KCNH1: variants seen among roughly 807,000 people sequenced by gnomAD.
KCNH1 encodes potassium voltage-gated channel subfamily H member 1.
In KCNH1, 27 loss-of-function variants were observed where a neutral mutation model predicts 69.2. The observed-to-expected ratio is 0.39, with a 90% CI of 0.29 to 0.54. KCNH1 has a LOEUF of 0.54. Among genes scored for constraint, KCNH1 ranks in the 20% least tolerant of loss-of-function variants. The pLI is 0.68. For synonymous variants in KCNH1, 456 were observed against 487.7 expected (o/e 0.93, Z 0.86); for missense variants, 798 against 1,261.6 (o/e 0.63, Z 5.57).
chr1:210,824,646 T>C (rs1684999982), intron 7 of KCNH1, among the ~76,000 whole-genome samples: 1 of 152,154 alleles, frequency 6.6e-6, no homozygotes, highest in Admixed American at 6.6e-5. Context: ...TACACAGACA[T>C]GTAGTTGGAA....
intron 5 of KCNH1, among the ~76,000 whole-genome samples, chr1:211,050,150 C>T (rs1690170187): frequency 1.3e-5 from 2 of 150,444 alleles, no homozygotes; most frequent in Non-Finnish European, 2.9e-5. Flanking sequence ...ATGCCAGCAC[C>T]TATATGTGTG....
intron 6 of KCNH1, among the ~76,000 whole-genome samples, chr1:211,011,740 C>T (rs1689399313): frequency 1.3e-5 from 2 of 152,224 alleles, no homozygotes; most frequent in South Asian, 2.1e-4. Flanking sequence ...CACGTACACA[C>T]CCCAGGTAGG....
intron 6 of KCNH1, among the ~76,000 whole-genome samples, chr1:210,945,899 T>C (rs1687950410): frequency 6.6e-6 from 1 of 152,202 alleles, no homozygotes; most frequent in African/African-American, 2.4e-5. Flanking sequence ...CTGTTTCATT[T>C]TTCTCCAGAG....
chr1:210,999,339 C>T (rs1689121644), intron 6 of KCNH1, among the ~76,000 whole-genome samples: 2 of 152,136 alleles, frequency 1.3e-5, no homozygotes, highest in Non-Finnish European at 2.9e-5. Context: ...GATATCACCA[C>T]CGATCCCACA....
At chr1:211,112,844 C>T (rs1691500195) in intron 1 of KCNH1, among the ~76,000 whole-genome samples, 1 of 152,218 alleles carries the variant, frequency 6.6e-6, no homozygotes, top group Non-Finnish European at 1.5e-5. Context: ...CATCCCTTCC[C>T]CATTCCTAGC....
chr1:211,124,300 T>A (rs965355471), intron 1 of KCNH1, among the ~76,000 whole-genome samples: 2 of 151,960 alleles, frequency 1.3e-5, no homozygotes, highest in Admixed American at 6.6e-5. Context: ...TTGAAAGGAG[T>A]ACCTAAGTGC....
chr1:210,860,991 CT>C (rs1685966367), intron 7 of KCNH1: 28 of 1,056,876 alleles, frequency 2.6e-5, no homozygotes, highest in East Asian at 4.7e-5. Context: ...AGGGCTCCAT[CT>C]TTTTTTCAAA....
intron 6 of KCNH1, among the ~76,000 whole-genome samples, chr1:210,934,573 AG>A (rs1343450524): frequency 6.6e-6 from 1 of 152,056 alleles, no homozygotes; most frequent in Non-Finnish European, 1.5e-5. Flanking sequence ...CAGGAGGCGG[AG>A]GTTGCAGTGA....
At chr1:211,070,571 C>A (rs1338783285) in intron 5 of KCNH1, among the ~76,000 whole-genome samples, 4 of 151,862 alleles carry the variant, frequency 2.6e-5, no homozygotes, top group Admixed American at 2.0e-4. Flanking sequence ...CATCTGTAAT[C>A]CCAGCACTTT....
intron 7 of KCNH1, among the ~76,000 whole-genome samples, chr1:210,914,571 C>T (rs1357131521): frequency 6.6e-6 from 1 of 152,044 alleles, no homozygotes; most frequent in African/African-American, 2.4e-5. Context: ...TAAGTACTGT[C>T]TCTTCCTCCC....
Position 210,866,001 on chromosome 1 carries a change from T to C in KCNH1, c.1462+53639A>G, listed in dbSNP as rs561279630. 1.8e-4 allele frequency among the ~76,000 whole-genome samples: 28 copies of C among 152,250 alleles called. 1 individual carries two copies. In the South Asian group the frequency reaches 5.4e-3, roughly 29 times the overall value. On this transcript the variant is annotated intron_variant, in intron 7 of 10. Transcript: ENST00000271751. Reference sequence around the variant, plus strand: ...TTGAAAAAAAATGTGTATACACCAATACAACTCAATGGGGGAATAAAAACT... The same window carrying C: ...TTGAAAAAAAATGTGTATACACCAACACAACTCAATGGGGGAATAAAAACT...
At chr1:210,721,068 C>G (rs1352636447) in intron 10 of KCNH1, among the ~76,000 whole-genome samples, 1 of 152,024 alleles carries the variant, frequency 6.6e-6, no homozygotes, top group Non-Finnish European at 1.5e-5. Flanking sequence ...ACTCAGTGAT[C>G]CAGAGAGTAG....
At chr1:210,871,719 G>A (rs1290145730) in intron 7 of KCNH1, among the ~76,000 whole-genome samples, 1 of 151,724 alleles carries the variant, frequency 6.6e-6, no homozygotes, top group Non-Finnish European at 1.5e-5. Context: ...ATACTATGCA[G>A]CCATAAAAAA....
chr1:210,760,145 AC>A (rs1683487601), intron 10 of KCNH1, among the ~76,000 whole-genome samples: 1 of 152,204 alleles, frequency 6.6e-6, no homozygotes. Context: ...GGTCCCTGGT[AC>A]CAAAAAGGTT....
intron 6 of KCNH1, among the ~76,000 whole-genome samples, chr1:210,928,278 C>T (rs1687614324): frequency 6.6e-6 from 1 of 152,086 alleles, no homozygotes; most frequent in Non-Finnish European, 1.5e-5. Context: ...GGAACATCAG[C>T]ACATGGAACA....
intron 6 of KCNH1, among the ~76,000 whole-genome samples, chr1:210,988,644 C>G (rs576469883): frequency 6.6e-6 from 1 of 152,108 alleles, no homozygotes; most frequent in Non-Finnish European, 1.5e-5. Flanking sequence ...ATGACCATGA[C>G]GACTAACTTG....
At chr1:211,076,271 A>G (rs1690731086) in intron 5 of KCNH1, among the ~76,000 whole-genome samples, 1 of 152,254 alleles carries the variant, frequency 6.6e-6, no homozygotes, top group African/African-American at 2.4e-5. Context: ...GAATGGACAG[A>G]CTGCCTCCTC....
At chr1:211,032,053 T>A (rs1689795366) in intron 5 of KCNH1, among the ~76,000 whole-genome samples, 1 of 152,220 alleles carries the variant, frequency 6.6e-6, no homozygotes, top group African/African-American at 2.4e-5. Context: ...GATAAGCAAC[T>A]TCAGCAAAGT....
chr1:211,096,208 T>G (rs2102477751), intron 3 of KCNH1, among the ~76,000 whole-genome samples: 1 of 152,120 alleles, frequency 6.6e-6, no homozygotes, highest in South Asian at 2.1e-4. Flanking sequence ...GGATTATAGG[T>G]GCCCACCACC....
Sources: gnomAD v4.1 joint callset for allele counts (sites outside exome capture counted in the v4.1 genomes callset) on GRCh38, gnomAD v4.1.1 for gene constraint, MANE v1.5 for transcripts, NCBI Gene and HGNC (gene_info 2026-07-23, HGNC 2026-07-21) for gene names.